Variants in ITFG1 observed in about 807,000 individuals in gnomAD.
ITFG1 encodes the protein integrin alpha FG-GAP repeat containing 1, also known as T-cell immunomodulatory protein.
Under a neutral mutation model 81.8 loss-of-function variants are expected in ITFG1, and 34 were observed. The ratio of observed to expected loss-of-function variants is 0.42; its 90% confidence interval spans 0.32 to 0.55. ITFG1 has a LOEUF of 0.55. Ranked by LOEUF, ITFG1 falls within the 20% of genes least tolerant of loss-of-function variation. The pLI, the probability that ITFG1 is intolerant of heterozygous loss-of-function variation, is 0.17. For synonymous variants in ITFG1, 285 were observed against 270.6 expected, an observed-to-expected ratio of 1.05 and a Z score of -0.52; for missense variants, 672 against 755.4, an observed-to-expected ratio of 0.89 and a Z score of 1.29.
At chr16:47,183,009 G>T (rs1965151671) in intron 14 of ITFG1, among the ~76,000 whole-genome samples, 1 of 152,222 alleles carries the variant, frequency 6.6e-6, no homozygotes, top group South Asian at 2.1e-4. Flanking sequence ...AGGGGTGACA[G>T]ACGGCACCTG....
chr16:47,162,984 A>G (rs1035648140), intron 14 of ITFG1, among the ~76,000 whole-genome samples: 2 of 151,950 alleles, frequency 1.3e-5, no homozygotes, highest in African/African-American at 4.8e-5. Flanking sequence ...ATTTTTAAAT[A>G]TTTGTGGAGA....
intron 8 of ITFG1, among the ~76,000 whole-genome samples, chr16:47,314,083 T>C (rs1182290558): frequency 2.0e-5 from 3 of 152,198 alleles, no homozygotes; most frequent in Admixed American, 6.5e-5. Context: ...GGGCAAGGGC[T>C]GAAAAACTAC....
chr16:47,235,367 G>A lies in ITFG1; in HGVS notation c.1374+2598C>T, dbSNP rs957727584. On this transcript the variant is annotated intron_variant, in intron 13 of 17. Transcript: ENST00000320640. ...TCAAGAGACTAATGGTTTTAAAGTG[G>A]AACAGGTATAATTAGAGTAACAGAG... Among the ~76,000 whole-genome samples the A allele has an allele frequency of 9.2e-5, 14 of 152,296 alleles. 1 individual carries two copies. Among genetic ancestry groups the A allele is most frequent in the South Asian group, 4.1e-4 (2 of 4,826 alleles).
chr16:47,211,075 C>T (rs1441520923), intron 14 of ITFG1, among the ~76,000 whole-genome samples: 3 of 152,044 alleles, frequency 2.0e-5, no homozygotes, highest in African/African-American at 7.2e-5. Flanking sequence ...CTTCCGGGGA[C>T]GTGGAAAGGA....
At chr16:47,187,577 G>T (rs1302451325) in intron 14 of ITFG1, among the ~76,000 whole-genome samples, 1 of 152,018 alleles carries the variant, frequency 6.6e-6, no homozygotes, top group Non-Finnish European at 1.5e-5. Flanking sequence ...AGCTGAAACT[G>T]GATCCCTTCC....
chr16:47,454,084 G>A lies in ITFG1; in HGVS notation c.356C>T (p.Thr119Ile). The A allele has an allele frequency of 7.5e-6, 12 of 1,606,524 alleles. No homozygotes were observed. The highest frequency in any genetic ancestry group is 1.0e-5 in the Non-Finnish European group (12 of 1,173,348). Residue 119 changes from threonine (T) to isoleucine (I), a missense_variant, in exon 3 of 18, where the codon ACA becomes ATA. Transcript: ENST00000320640. ...DGDSQMDVLLTYLPKNYAKSE... is the reference protein window; with the variant it reads ...DGDSQMDVLLIYLPKNYAKSE... ...CTTGGCATAATTTTTGGGAAGATAT[G>A]TCAGAAGGACATCCATTTGAGAATC...
intron 7 of ITFG1, among the ~76,000 whole-genome samples, chr16:47,374,479 A>G (rs1218347414): frequency 6.6e-6 from 1 of 152,152 alleles, no homozygotes; most frequent in Non-Finnish European, 1.5e-5. Context: ...ATTATGTTCT[A>G]TAGATATTCT....
At chr16:47,431,367 T>C (rs1190197655) in intron 5 of ITFG1, among the ~76,000 whole-genome samples, 2 of 152,194 alleles carry the variant, frequency 1.3e-5, no homozygotes, top group Admixed American at 6.5e-5. Context: ...GCGAACCCTA[T>C]TGTGAAATGC....
chr16:47,439,747 AC>A (rs1479441156), intron 5 of ITFG1, among the ~76,000 whole-genome samples: 5 of 152,366 alleles, frequency 3.3e-5, no homozygotes, highest in Admixed American at 2.6e-4. Context: ...AACTGTAAAG[AC>A]CATGAAGGTT....
At chr16:47,342,060 T>G (rs138612478) in intron 8 of ITFG1, among the ~76,000 whole-genome samples, 110 of 152,260 alleles carry the variant, frequency 7.2e-4, no homozygotes, top group African/African-American at 2.4e-3. Flanking sequence ...ACTTCCCAAC[T>G]CGTTTTATGA....
chr16:47,391,278 T>A (rs1314603115), intron 6 of ITFG1, among the ~76,000 whole-genome samples: 2 of 152,220 alleles, frequency 1.3e-5, no homozygotes, highest in Non-Finnish European at 2.9e-5. Context: ...GCAAAGTTTC[T>A]GAATGTTTTA....
At chr16:47,332,568 G>A (rs901689062) in intron 8 of ITFG1, among the ~76,000 whole-genome samples, 1 of 152,052 alleles carries the variant, frequency 6.6e-6, no homozygotes, top group African/African-American at 2.4e-5. Context: ...ATAACAATCA[G>A]CTTTGACTTA....
chr16:47,216,255 A>G (rs1243806425), intron 14 of ITFG1, among the ~76,000 whole-genome samples: 1 of 151,784 alleles, frequency 6.6e-6, no homozygotes, highest in Non-Finnish European at 1.5e-5. Context: ...GCTGGAGTGC[A>G]ATGCCCTCAG....
chr16:47,297,720 C>T (rs1967005627), intron 10 of ITFG1, among the ~76,000 whole-genome samples: 1 of 151,348 alleles, frequency 6.6e-6, no homozygotes, highest in South Asian at 2.1e-4. Context: ...AAGTCCACTG[C>T]TACTCTGATA....
chr16:47,460,778 G>T (rs1353523250), intron 1 of ITFG1, 60 bp downstream of exon 1: 1 of 1,567,310 alleles, frequency 6.4e-7, no homozygotes, highest in Non-Finnish European at 8.7e-7. Flanking sequence ...CAATGGGTTT[G>T]GGGAACACCG....
At chr16:47,461,071 G>T (rs1439040787), upstream of ITFG1, 5 of 1,502,244 alleles carry the variant, frequency 3.3e-6, no homozygotes, top group South Asian at 3.8e-5. Context: ...CCCGCCCGCC[G>T]GCCCAACGCC....
intron 10 of ITFG1, among the ~76,000 whole-genome samples, chr16:47,307,301 G>A (rs1228612013): frequency 6.6e-6 from 1 of 151,862 alleles, no homozygotes; most frequent in East Asian, 1.9e-4. Flanking sequence ...ATTAAAAATT[G>A]ATTGCTGATA....
chr16:47,308,099 A>G (rs539445816), intron 10 of ITFG1, among the ~76,000 whole-genome samples: 35 of 152,346 alleles, frequency 2.3e-4, no homozygotes, highest in Non-Finnish European at 3.7e-4. Context: ...ATAGTGCCGC[A>G]ATGAACATAC....
chr16:47,216,824 G>C (rs1965631015), intron 14 of ITFG1, among the ~76,000 whole-genome samples: 1 of 151,612 alleles, frequency 6.6e-6, no homozygotes, highest in South Asian at 2.1e-4. Context: ...ACCACGTGCA[G>C]CTTTTGTATT....
Sources: gnomAD v4.1 joint callset for allele counts (sites outside exome capture counted in the v4.1 genomes callset) on GRCh38, gnomAD v4.1.1 for gene constraint, MANE v1.5 for transcripts, NCBI Gene and HGNC (gene_info 2026-07-23, HGNC 2026-07-21) for gene names.